The following EVI5 variants were observed in gnomAD, a reference collection of about 807,000 sequenced individuals.
EVI5 encodes ecotropic viral integration site 5.
Under a neutral mutation model 112.0 loss-of-function variants are expected in EVI5, and 73 were observed. That is an observed-to-expected ratio of 0.65 (90% confidence interval 0.54 to 0.79). The LOEUF (loss-of-function observed/expected upper bound fraction) is 0.79, where lower values mean the gene tolerates loss of function less well. Ranked by LOEUF, EVI5 falls within the 30% of genes least tolerant of loss-of-function variation. EVI5 has a pLI of 0.00. For missense variants in EVI5, 900 were observed against 968.8 expected (o/e 0.93, Z 0.94); for synonymous variants, 305 against 319.9 (o/e 0.95, Z 0.50).
chr1:92,725,871 C>T (rs2102732008), intron 2 of EVI5, among the ~76,000 whole-genome samples: 1 of 152,162 alleles, frequency 6.6e-6, no homozygotes, highest in Middle Eastern at 3.4e-3. Flanking sequence ...TAACTGTATC[C>T]TATATATTCA....
At chr1:92,592,581 G>T (rs1319721947) in intron 18 of EVI5, among the ~76,000 whole-genome samples, 1 of 152,154 alleles carries the variant, frequency 6.6e-6, no homozygotes, top group African/African-American at 2.4e-5. Context: ...GAGCAGAACT[G>T]AAGGAAATAG....
chr1:92,535,586 A>T (rs2184193), intron 19 of EVI5, among the ~76,000 whole-genome samples: 261 of 152,178 alleles, frequency 1.7e-3, no homozygotes, highest in African/African-American at 6.0e-3. Flanking sequence ...CCATAAAAAA[A>T]AATGAGTTCA....
chr1:92,672,577 T>C (rs1558040241), intron 10 of EVI5, among the ~76,000 whole-genome samples: 1 of 152,204 alleles, frequency 6.6e-6, no homozygotes, highest in Admixed American at 6.5e-5. Flanking sequence ...TTTACCACCA[T>C]CCAAAATACC....
intron 9 of EVI5, among the ~76,000 whole-genome samples, chr1:92,680,077 C>T (rs536939556): frequency 3.2e-4 from 49 of 152,110 alleles, no homozygotes; most frequent in Non-Finnish European, 7.1e-4. Flanking sequence ...CTTTCTATGG[C>T]CAGTTTCATA....
chr1:92,785,566 C>T (rs1046597012), upstream of EVI5, among the ~76,000 whole-genome samples: 7 of 152,350 alleles, frequency 4.6e-5, no homozygotes, highest in Admixed American at 4.6e-4. Context: ...TTGTAATGTA[C>T]TCTTACACGT....
At chr1:92,747,649 G>A (rs992555481) in intron 1 of EVI5, among the ~76,000 whole-genome samples, 1 of 134,214 alleles carries the variant, frequency 7.5e-6, no homozygotes, top group Non-Finnish European at 1.6e-5. Context: ...GGAAGGCGGA[G>A]GTTGCAGTGA....
intron 1 of EVI5, among the ~76,000 whole-genome samples, chr1:92,764,857 T>C (rs2103008828): frequency 6.6e-6 from 1 of 152,316 alleles, no homozygotes; most frequent in Admixed American, 6.5e-5. Flanking sequence ...AAAATTACCA[T>C]GGTCTGTGTA....
chr1:92,700,433 C>T (rs942966435), intron 5 of EVI5, among the ~76,000 whole-genome samples: 2 of 152,102 alleles, frequency 1.3e-5, no homozygotes, highest in African/African-American at 4.8e-5. Context: ...AAAAGAGGAG[C>T]TTTTCTACCT....
chr1:92,645,509 C>A (rs919178762), intron 13 of EVI5, among the ~76,000 whole-genome samples: 1 of 152,174 alleles, frequency 6.6e-6, no homozygotes, highest in Admixed American at 6.5e-5. Flanking sequence ...TACACAGCAA[C>A]CTACTTTGGC....
chr1:92,555,040 G>A (rs2100801716), intron 19 of EVI5, among the ~76,000 whole-genome samples: 1 of 152,274 alleles, frequency 6.6e-6, no homozygotes, highest in East Asian at 1.9e-4. Context: ...GAGGCTGTAA[G>A]ATTAAAAAGC....
chr1:92,588,121 A>C (rs904689406), intron 18 of EVI5, among the ~76,000 whole-genome samples: 7 of 152,228 alleles, frequency 4.6e-5, no homozygotes, highest in Admixed American at 3.3e-4. Context: ...ATAAGAGGAA[A>C]CTTAATTTTT....
At chr1:92,606,965 TC>T (rs1650568846) in intron 17 of EVI5, among the ~76,000 whole-genome samples, 1 of 149,924 alleles carries the variant, frequency 6.7e-6, no homozygotes, top group African/African-American at 2.5e-5. Flanking sequence ...TCACTGCCTT[TC>T]CCCCACTCTC....
intron 19 of EVI5, among the ~76,000 whole-genome samples, chr1:92,518,796 A>G (rs980773599): frequency 6.6e-6 from 1 of 152,216 alleles, no homozygotes; most frequent in African/African-American, 2.4e-5. Context: ...AAGTTTCAGG[A>G]CACTTGAAAG....
intron 11 of EVI5, 49 bp from the exon 12 acceptor site, chr1:92,663,501 T>A (rs1317690648): frequency 2.2e-5 from 21 of 965,420 alleles, no homozygotes; most frequent in Non-Finnish European, 2.8e-5. Flanking sequence ...GAAATAAAAG[T>A]GATAAAATTA....
At chr1:92,789,544 C>T (rs983012285), upstream of EVI5, among the ~76,000 whole-genome samples, 2 of 152,120 alleles carry the variant, frequency 1.3e-5, no homozygotes, top group Non-Finnish European at 2.9e-5. Flanking sequence ...CCTTGTGATC[C>T]GCCCACCTCA....
At chr1:92,545,544 G>A (rs185989267) in intron 19 of EVI5, among the ~76,000 whole-genome samples, 94 of 152,114 alleles carry the variant, frequency 6.2e-4, no homozygotes, top group Non-Finnish European at 7.5e-4. Flanking sequence ...GGGTAGCTTC[G>A]TGGATAACAG....
intron 9 of EVI5, among the ~76,000 whole-genome samples, chr1:92,690,350 C>CTT (rs34227828): frequency 7.4e-6 from 1 of 135,938 alleles, no homozygotes. Flanking sequence ...CCCAATGATA[C>CTT]TTTTTTTTTT....
intron 10 of EVI5, among the ~76,000 whole-genome samples, chr1:92,676,461 A>T (rs1002122115): frequency 6.6e-6 from 1 of 152,122 alleles, no homozygotes; most frequent in Non-Finnish European, 1.5e-5. Context: ...GAATTGGCCA[A>T]TCACTAAGTT....
At chr1:92,752,380 G>A (rs1244305195) in intron 1 of EVI5, among the ~76,000 whole-genome samples, 2 of 152,028 alleles carry the variant, frequency 1.3e-5, no homozygotes, top group African/African-American at 2.4e-5. Flanking sequence ...TCACCATGTT[G>A]GCCAGGCTGG....
Sources: allele counts gnomAD v4.1 joint callset (sites outside exome capture counted in the v4.1 genomes callset), GRCh38; gene constraint gnomAD v4.1.1; transcripts MANE v1.5; gene names NCBI Gene and HGNC (gene_info 2026-07-23, HGNC 2026-07-21).